VPS13D: variants seen among roughly 807,000 people sequenced by gnomAD.
VPS13D encodes intermembrane lipid transfer protein VPS13D.
VPS13D carries 187 observed loss-of-function variants against 461.9 expected under a neutral mutation model. The observed-to-expected ratio is 0.40, with a 90% CI of 0.36 to 0.46. VPS13D has a LOEUF of 0.46. VPS13D is among the 20% of genes least tolerant of loss of function. VPS13D has a pLI of 0.60. For missense variants in VPS13D, 4,711 were observed against 5,364.9 expected (o/e 0.88, Z 3.81); for synonymous variants, 1,951 against 1,986.3 (o/e 0.98, Z 0.47).
chr1:12,384,521 T>C (rs562751518), intron 58 of VPS13D, among the ~76,000 whole-genome samples: 13 of 152,280 alleles, frequency 8.5e-5, no homozygotes, highest in African/African-American at 2.4e-4. Flanking sequence ...TAAGGGTTTA[T>C]TAGGTCATAG....
In VPS13D at chr1:12,467,843, C is replaced by T. The variant is rs374379584; in HGVS notation, c.12662+7447C>T. ...TTATAATCATTTCTAGAAAGGAGAG[C>T]GTCTAATTTTTGCCATTTTTGGCAT... On this transcript the variant is annotated intron_variant, in intron 67 of 69. Coordinates refer to ENST00000620676, the MANE Select transcript of VPS13D (RefSeq NM_015378.4). 2.2e-4 allele frequency among the ~76,000 whole-genome samples: 34 copies of T among 151,992 alleles called. 1 individual carries two copies. In the South Asian group the frequency reaches 5.4e-3, roughly 24 times the overall value.
At chr1:12,382,854 A>G in intron 57 of VPS13D, 122 bp from the exon 58 acceptor site, 1 of 827,770 alleles carries the variant, frequency 1.2e-6, no homozygotes, top group East Asian at 2.5e-5. Context: ...GCTTTGTTGC[A>G]CATTGATCAT....
At chr1:12,423,621 GCTT>G (rs1202973099) in intron 65 of VPS13D, among the ~76,000 whole-genome samples, 1 of 152,218 alleles carries the variant, frequency 6.6e-6, no homozygotes, top group Non-Finnish European at 1.5e-5. Flanking sequence ...TGGAGGAGCT[GCTT>G]CTTTTCGAAG....
intron 67 of VPS13D, chr1:12,478,859 G>T (rs951864883): frequency 8.8e-6 from 4 of 455,942 alleles, no homozygotes; most frequent in Admixed American, 4.7e-5. Flanking sequence ...CAAGGAGGCC[G>T]CATCGGTGGC....
intron 2 of VPS13D, among the ~76,000 whole-genome samples, chr1:12,240,137 TTC>T (rs1211433455): frequency 1.3e-5 from 2 of 152,120 alleles, no homozygotes; most frequent in Non-Finnish European, 2.9e-5. Context: ...TTCCTTTACA[TTC>T]TCTCTCTCCT....
chr1:12,477,310 C>T (rs571920931), intron 67 of VPS13D, among the ~76,000 whole-genome samples: 1 of 152,258 alleles, frequency 6.6e-6, no homozygotes, highest in South Asian at 2.1e-4. Context: ...CTTGGGCCTT[C>T]GTTAGAAGAG....
Position 12,381,980 on chromosome 1 carries a change from TTCTC to T in VPS13D, c.11191-983_11191-980del, listed in dbSNP as rs34633201. On this transcript the variant is annotated intron_variant, in intron 57 of 69. Transcript: ENST00000620676. ...TTTCTTTCTTTCTTTCTTTCTTTCTTTCTCTCTCTCTCTCTCCTTCCTTCCTTTC... is the reference window on the plus strand; with the variant it reads ...TTTCTTTCTTTCTTTCTTTCTTTCTTTCTCTCTCTCTCCTTCCTTCCTTTC... Among the ~76,000 whole-genome samples, 197 of 131,268 alleles carry T rather than the reference TTCTC, an allele frequency of 1.5e-3. 1 individual carries two copies. Among genetic ancestry groups the T allele is most frequent in the African/African-American group, 5.2e-3 (176 of 34,014 alleles). The allele number at this position is 131,268 out of a possible 152,430, so 86.1% of individuals were successfully genotyped here. A position where few individuals can be genotyped will look rare whatever the true frequency, so the allele number is the denominator to read the frequency against.
intron 67 of VPS13D, among the ~76,000 whole-genome samples, chr1:12,484,013 A>G (rs189196878): frequency 2.0e-4 from 31 of 151,330 alleles, no homozygotes; most frequent in African/African-American, 7.5e-4. Flanking sequence ...AAAAAAATAA[A>G]AATAAGAATG....
chr1:12,236,388 T>C (rs1469492126), intron 2 of VPS13D, among the ~76,000 whole-genome samples: 4 of 152,060 alleles, frequency 2.6e-5, no homozygotes, highest in Non-Finnish European at 4.4e-5. Flanking sequence ...GAATGTTCTT[T>C]CTTTTTTTTT....
Position 12,349,366 on chromosome 1 carries a change from A to T in VPS13D, c.9423A>T (p.Arg3141=). The change falls in exon 46 of 70, where the codon CGA becomes CGT. Residue 3141 remains arginine, a synonymous_variant. Transcript: ENST00000620676. The part of the protein sequence containing the change: ...ECHSMDTEKS[R]FFRFCVAIKK... ...ACTCTATGGACACAGAAAAAAGCCG[A>T]TTTTTCAGGTATGTAGCACCACTGC... is the stretch of plus-strand genomic sequence containing the variant. The T allele has an allele frequency of 3.1e-6, 5 of 1,613,426 alleles. No individual in the cohort carries two copies. The highest frequency in any genetic ancestry group is 4.2e-6 in the Non-Finnish European group (5 of 1,179,892).
chr1:12,482,448 T>A (rs961304077), intron 67 of VPS13D, among the ~76,000 whole-genome samples: 1 of 152,374 alleles, frequency 6.6e-6, no homozygotes, highest in Middle Eastern at 3.4e-3. Flanking sequence ...CTGAATGCTC[T>A]CTGTATCATC....
At position 12,426,839 on chromosome 1, in the gene VPS13D, C is replaced by T. The variant is rs574441102; in HGVS notation, c.12333+10012C>T. On this transcript the variant is annotated intron_variant, in intron 65 of 69. Transcript: ENST00000620676. ...TGAGACCAGCCTTAACATGGTGAAA[C>T]GTCGTCTCTACTAAAAATAAAAAAA... Among the ~76,000 whole-genome samples, 14 of 152,032 alleles carry T rather than the reference C, an allele frequency of 9.2e-5. 1 individual carries two copies. The highest frequency in any genetic ancestry group is 2.9e-4 in the African/African-American group (12 of 41,470).
chr1:12,500,157 C>G (rs143992580), intron 68 of VPS13D: 1 of 984,662 alleles, frequency 1.0e-6, no homozygotes, highest in Non-Finnish European at 1.2e-6. Flanking sequence ...TCTCCCAGAT[C>G]GAGTTGCATT....
intron 29 of VPS13D, among the ~76,000 whole-genome samples, chr1:12,312,304 T>C (rs1642775096): frequency 6.6e-6 from 1 of 152,234 alleles, no homozygotes; most frequent in South Asian, 2.1e-4. Context: ...TGGTGTTGAA[T>C]GGCAACTAAA....
chr1:12,333,082 G>C (rs1440835270), intron 37 of VPS13D, 144 bp from the exon 38 acceptor site: 1 of 940,472 alleles, frequency 1.1e-6, no homozygotes, highest in East Asian at 2.6e-5. Flanking sequence ...AGCTAAAGGT[G>C]GTTGGTGCTT....
rs376464979 is a variant in VPS13D, at chr1:12,494,450, C to T, written c.12663-3050C>T. 3.0e-4 allele frequency among the ~76,000 whole-genome samples: 46 copies of T among 152,260 alleles called. 4 individuals carry two copies. The highest frequency in any genetic ancestry group is 2.1e-3 in the Admixed American group (32 of 15,304). On this transcript the variant is annotated intron_variant, in intron 67 of 69. Transcript: ENST00000620676. ...TGTTTACACTAGAAAGCTGTTTGAT[C>T]GTGTGAGAAGATCAACAAGGTGAGC... is the stretch of plus-strand genomic sequence containing the variant.
At chr1:12,364,135 C>T (rs1643995080) in intron 52 of VPS13D, among the ~76,000 whole-genome samples, 1 of 152,018 alleles carries the variant, frequency 6.6e-6, no homozygotes, top group South Asian at 2.1e-4. Flanking sequence ...GGTGTAAGTA[C>T]ATTTACATTA....
rs1641089960 is a variant in VPS13D at position 12,260,976 on chromosome 1, C to T, written c.1241C>T (p.Pro414Leu). ...CTGCGGGAGCCTCAGTTTGATTCTC[C>T]AGGAGCCTGTCCGGGAGCCCCAGAA... Reference protein sequence around the residue: ...ESLREPQFDSPGACPGAPEPG... With the variant: ...ESLREPQFDSLGACPGAPEPG... Residue 414 changes from proline to leucine, a missense_variant, in exon 12 of 70, where the codon CCA (proline) becomes CTA (leucine). Pro to Leu is a moderately conservative substitution (Grantham distance 98, BLOSUM62 -3). Around this residue, in one of 3 missense-constraint regions of VPS13D, gnomAD observed 4,411 missense variants for 4,937.8 expected, o/e 0.89. Coordinates refer to ENST00000620676, the MANE Select transcript of VPS13D (RefSeq NM_015378.4). 2.5e-6 allele frequency: 4 copies of T among 1,613,826 alleles called. No homozygotes were observed. Among genetic ancestry groups the T allele is most frequent in the Non-Finnish European group, 3.4e-6 (4 of 1,180,000 alleles).
At chr1:12,265,522 A>C (rs759955224) in intron 13 of VPS13D, among the ~76,000 whole-genome samples, 2 of 152,208 alleles carry the variant, frequency 1.3e-5, no homozygotes, top group Non-Finnish European at 2.9e-5. Flanking sequence ...GGTAAAGTAT[A>C]TAGAAAAGCT....
Sources: allele counts gnomAD v4.1 joint callset (sites outside exome capture counted in the v4.1 genomes callset), GRCh38; gene constraint gnomAD v4.1.1; regional missense constraint gnomAD v4.1.1; transcripts MANE v1.5; gene names NCBI Gene and HGNC (gene_info 2026-07-23, HGNC 2026-07-21).